ZNF385D: variants seen among roughly 807,000 people sequenced by gnomAD.
ZNF385D encodes the protein zinc finger protein 659.
ZNF385D carries 15 observed loss-of-function variants against 35.8 expected under a neutral mutation model. That is an observed-to-expected ratio of 0.42 (90% CI 0.28 to 0.64). The LOEUF is 0.64. ZNF385D is among the 30% of genes least tolerant of loss of function. The pLI is 0.23. For synonymous variants in ZNF385D, 212 were observed against 186.8 expected (o/e 1.13, Z -1.10); for missense variants, 474 against 494.6 (o/e 0.96, Z 0.39).
At chr3:22,344,295 G>T (rs1348198126) in intron 2 of ZNF385D, among the ~76,000 whole-genome samples, 2 of 151,950 alleles carry the variant, frequency 1.3e-5, no homozygotes, top group African/African-American at 4.8e-5. Flanking sequence ...ACTCACTACT[G>T]ACTGCAGGAT....
chr3:21,841,937 TATATATAC>T (rs1695708321), intron 3 of ZNF385D, among the ~76,000 whole-genome samples: 1 of 151,660 alleles, frequency 6.6e-6, no homozygotes, highest in Non-Finnish European at 1.5e-5. Context: ...CATATATACA[TATATATAC>T]ACACATACAC....
intron 2 of ZNF385D, among the ~76,000 whole-genome samples, chr3:22,352,430 T>C (rs541605876): frequency 2.7e-4 from 41 of 152,314 alleles, no homozygotes; most frequent in African/African-American, 9.9e-4. Context: ...CATGACACGG[T>C]GTGACTGAGG....
intron 3 of ZNF385D, among the ~76,000 whole-genome samples, chr3:22,105,046 T>C (rs1334297329): frequency 6.6e-6 from 1 of 152,106 alleles, no homozygotes; most frequent in Non-Finnish European, 1.5e-5. Flanking sequence ...TAAACACTGT[T>C]TGAATAATTT....
intron 2 of ZNF385D, among the ~76,000 whole-genome samples, chr3:22,282,586 T>C (rs1198111485): frequency 2.0e-5 from 3 of 152,108 alleles, no homozygotes; most frequent in South Asian, 2.1e-4. Flanking sequence ...TCCACTGTGG[T>C]CTGAGAGAGT....
intron 2 of ZNF385D, among the ~76,000 whole-genome samples, chr3:21,636,390 A>ATGAT (rs1217564660): frequency 1.0e-3 from 37 of 35,736 alleles, no homozygotes; most frequent in South Asian, 1.9e-3. Flanking sequence ...ATATATATAT[A>ATGAT]TATATATATA....
intron 3 of ZNF385D, among the ~76,000 whole-genome samples, chr3:22,041,666 T>C (rs1698670231): frequency 6.6e-6 from 1 of 152,080 alleles, no homozygotes; most frequent in Non-Finnish European, 1.5e-5. Flanking sequence ...ACAGCAATAG[T>C]GGCAATATTT....
At chr3:21,473,906 T>C (rs1439626720) in intron 4 of ZNF385D, among the ~76,000 whole-genome samples, 1 of 152,140 alleles carries the variant, frequency 6.6e-6, no homozygotes, top group African/African-American at 2.4e-5. Flanking sequence ...ACATAAACTA[T>C]AATTTATAAG....
At chr3:21,512,941 T>C (rs908024613) in intron 3 of ZNF385D, among the ~76,000 whole-genome samples, 2 of 152,292 alleles carry the variant, frequency 1.3e-5, no homozygotes, top group Non-Finnish European at 2.9e-5. Context: ...TCTCTTCTCT[T>C]TGCAAGTAAC....
chr3:22,011,237 A>AATAAATACAAACTATGGAT (rs1465956778), intron 3 of ZNF385D, among the ~76,000 whole-genome samples: 3 of 152,174 alleles, frequency 2.0e-5, no homozygotes, highest in African/African-American at 7.2e-5. Context: ...AATTTATGGA[A>AATAAATACAAACTATGGAT]ATAAATACAA....
intron 3 of ZNF385D, among the ~76,000 whole-genome samples, chr3:21,995,581 G>T (rs924696755): frequency 3.3e-5 from 5 of 151,926 alleles, no homozygotes; most frequent in Non-Finnish European, 7.4e-5. Context: ...GTGATGAGTG[G>T]GCAGGTCTTT....
In ZNF385D at chr3:22,309,902, G is replaced by C. The variant is rs981033263; in HGVS notation, c.106+62548C>G. ...GAATTTTGTGTGCCCAGTATAAAGA[G>C]ACATTATAAGAGCCAAAGTATAATA... On this transcript the variant is annotated intron_variant, in intron 2 of 5. Coordinates refer to the ZNF385D transcript ENST00000494108. Among the ~76,000 whole-genome samples, 15 of 152,006 alleles carry C rather than the reference G, an allele frequency of 9.9e-5. No homozygotes were observed. In the South Asian group the frequency reaches 1.5e-3, roughly 15 times the overall value.
chr3:21,496,118 T>C (rs939254652), intron 4 of ZNF385D, among the ~76,000 whole-genome samples: 15 of 151,896 alleles, frequency 9.9e-5, no homozygotes, highest in African/African-American at 3.6e-4. Flanking sequence ...CTACCAGATG[T>C]ATAAAGATGA....
intron 3 of ZNF385D, among the ~76,000 whole-genome samples, chr3:22,130,689 G>A (rs947659151): frequency 6.6e-6 from 1 of 152,134 alleles, no homozygotes; most frequent in Non-Finnish European, 1.5e-5. Context: ...TGGGAGATAG[G>A]AGAGGGGCGG....
At chr3:22,003,695 T>C (rs1696003210) in intron 3 of ZNF385D, among the ~76,000 whole-genome samples, 2 of 151,786 alleles carry the variant, frequency 1.3e-5, no homozygotes, top group African/African-American at 4.8e-5. Context: ...GATGAAACCA[T>C]GTCTCTACTA....
intron 2 of ZNF385D, among the ~76,000 whole-genome samples, chr3:22,188,813 C>T (rs1034272422): frequency 6.6e-6 from 1 of 152,134 alleles, no homozygotes; most frequent in East Asian, 1.9e-4. Flanking sequence ...GTATTAGGAA[C>T]TTTTTGCTTT....
At chr3:21,853,698 T>C (rs1460049621) in intron 3 of ZNF385D, among the ~76,000 whole-genome samples, 1 of 151,786 alleles carries the variant, frequency 6.6e-6, no homozygotes, top group Non-Finnish European at 1.5e-5. Context: ...AATGTGACTC[T>C]TGACATGTCA....
At chr3:22,009,934 T>A (rs1696464074) in intron 3 of ZNF385D, among the ~76,000 whole-genome samples, 1 of 149,956 alleles carries the variant, frequency 6.7e-6, no homozygotes, top group Admixed American at 6.6e-5. Context: ...ATAAAAGAAA[T>A]GAAAAATATG....
intron 2 of ZNF385D, among the ~76,000 whole-genome samples, chr3:22,221,763 G>T (rs990016863): frequency 6.6e-6 from 1 of 152,084 alleles, no homozygotes; most frequent in East Asian, 1.9e-4. Context: ...GCTAGTGCAA[G>T]GATTGAAAAA....
Position 22,109,769 on chromosome 3 carries a change from T to C in ZNF385D, c.325+59048A>G, listed in dbSNP as rs535601512. Among the ~76,000 whole-genome samples, 3 of 152,124 alleles carry C rather than the reference T, an allele frequency of 2.0e-5. No individual in the cohort carries two copies. The South Asian group carries it at 6.2e-4, about 32-fold the overall frequency. ...AAAGCAATGGCAAAGAAAGCCAAAA[T>C]TGACAAATGGGATCTAATTAAACTA... On this transcript the variant is annotated intron_variant, in intron 3 of 5. Transcript: ENST00000494108.
Sources: gnomAD v4.1 joint callset for allele counts (sites outside exome capture counted in the v4.1 genomes callset) on GRCh38, gnomAD v4.1.1 for gene constraint, MANE v1.5 for transcripts, NCBI Gene and HGNC (gene_info 2026-07-23, HGNC 2026-07-21) for gene names.